Variants in KCNIP4 observed in about 807,000 individuals in gnomAD.
The protein encoded by KCNIP4 is potassium voltage-gated channel interacting protein 4.
In KCNIP4, 12 loss-of-function variants were observed where a neutral mutation model predicts 34.0. That is an observed-to-expected ratio of 0.35 (90% CI 0.23 to 0.57). The LOEUF (loss-of-function observed/expected upper bound fraction) is 0.57. KCNIP4 is among the 20% of genes least tolerant of loss of function. KCNIP4 has a pLI of 0.83. For synonymous variants in KCNIP4, 124 were observed against 102.2 expected (o/e 1.21, Z -1.29); for missense variants, 238 against 311.7 (o/e 0.76, Z 1.78).
chr4:21,208,298 C>A (rs531309628), intron 1 of KCNIP4, among the ~76,000 whole-genome samples: 5 of 152,188 alleles, frequency 3.3e-5, no homozygotes, highest in Non-Finnish European at 7.3e-5. Flanking sequence ...ATTGGCCTTA[C>A]TCTTTCTCAT....
At chr4:21,908,510 T>C (rs1054710181) in intron 1 of KCNIP4, among the ~76,000 whole-genome samples, 1 of 152,164 alleles carries the variant, frequency 6.6e-6, no homozygotes, top group African/African-American at 2.4e-5. Flanking sequence ...TTCAATCATA[T>C]AAAATGTGGG....
intron 1 of KCNIP4, among the ~76,000 whole-genome samples, chr4:21,614,261 G>A (rs185538894): frequency 2.6e-5 from 4 of 151,856 alleles, no homozygotes; most frequent in Admixed American, 6.6e-5. Context: ...CAGACAACAC[G>A]CTCTTGACAT....
intron 1 of KCNIP4, among the ~76,000 whole-genome samples, chr4:21,566,212 G>C (rs1739871916): frequency 6.6e-6 from 1 of 152,128 alleles, no homozygotes; most frequent in South Asian, 2.1e-4. Flanking sequence ...AGAATGAGTT[G>C]GTCTGGGATG....
At chr4:21,406,312 C>T (rs949462368) in intron 1 of KCNIP4, among the ~76,000 whole-genome samples, 1 of 152,122 alleles carries the variant, frequency 6.6e-6, no homozygotes, top group African/African-American at 2.4e-5. Flanking sequence ...GGCATTAAAA[C>T]CCTCTCCTAT....
At chr4:21,589,422 G>T (rs372969708) in intron 1 of KCNIP4, among the ~76,000 whole-genome samples, 2 of 148,480 alleles carry the variant, frequency 1.3e-5, no homozygotes, top group East Asian at 4.0e-4. Flanking sequence ...TCTAGAGAAG[G>T]TAATAGCTAA....
chr4:21,393,106 A>G (rs1722698147), intron 1 of KCNIP4, among the ~76,000 whole-genome samples: 1 of 152,108 alleles, frequency 6.6e-6, no homozygotes, highest in South Asian at 2.1e-4. Flanking sequence ...TCCTGGAAAA[A>G]TTTAATCAGT....
intron 1 of KCNIP4, among the ~76,000 whole-genome samples, chr4:20,882,926 T>C (rs1249810546): frequency 6.6e-6 from 1 of 151,456 alleles, no homozygotes; most frequent in African/African-American, 2.4e-5. Flanking sequence ...TTGAAGATAA[T>C]GACGAACAAG....
chr4:21,291,880 AAAGAAAGAAAG>A (rs1763519492), intron 1 of KCNIP4, among the ~76,000 whole-genome samples: 4 of 26,122 alleles, frequency 1.5e-4, no homozygotes, highest in African/African-American at 2.5e-4. Context: ...AGAAAGAAAG[AAAGAAAGAAAG>A]AAAGAAAGAA....
At chr4:21,543,026 C>A (rs940257792) in intron 1 of KCNIP4, among the ~76,000 whole-genome samples, 3 of 151,890 alleles carry the variant, frequency 2.0e-5, no homozygotes, top group African/African-American at 7.2e-5. Context: ...TGAAATATTA[C>A]AACTTACGTT....
chr4:21,428,606 C>T (rs949111425), intron 1 of KCNIP4, among the ~76,000 whole-genome samples: 4 of 152,056 alleles, frequency 2.6e-5, no homozygotes, highest in Non-Finnish European at 5.9e-5. Context: ...CAACGCGATG[C>T]CCATAGACGC....
At chr4:20,794,186 C>T (rs1713148108) in intron 3 of KCNIP4, among the ~76,000 whole-genome samples, 1 of 152,144 alleles carries the variant, frequency 6.6e-6, no homozygotes, top group African/African-American at 2.4e-5. Flanking sequence ...TCGGGTATAT[C>T]TTTATCAGCA....
chr4:20,855,045 T>C (rs984231878), intron 2 of KCNIP4, among the ~76,000 whole-genome samples: 4 of 152,200 alleles, frequency 2.6e-5, no homozygotes, highest in African/African-American at 9.6e-5. Context: ...GAGTCTTGTT[T>C]AACTTTGCGT....
intron 1 of KCNIP4, among the ~76,000 whole-genome samples, chr4:21,207,339 A>G (rs1756920097): frequency 6.6e-6 from 1 of 152,198 alleles, no homozygotes. Flanking sequence ...CAGAGTATCT[A>G]TGACAATAAA....
chr4:21,709,346 T>C (rs1210444716), intron 1 of KCNIP4, among the ~76,000 whole-genome samples: 2 of 152,180 alleles, frequency 1.3e-5, no homozygotes, highest in Non-Finnish European at 2.9e-5. Flanking sequence ...AAACTGAGTA[T>C]TTGGAAATGA....
intron 3 of KCNIP4, among the ~76,000 whole-genome samples, chr4:20,815,357 C>A (rs1716247353): frequency 6.6e-6 from 1 of 152,176 alleles, no homozygotes; most frequent in African/African-American, 2.4e-5. Flanking sequence ...TAGGCCTGAA[C>A]CCCTGCACCA....
rs1343915209 is a variant in KCNIP4, at chr4:21,589,179, T to C, written c.61+359392A>G. On this transcript the variant is annotated intron_variant, in intron 1 of 8. Transcript: ENST00000382152. ...GTGTATATATATATATATATATATA[T>C]ATATATATATATATATATATATGTG... Among the ~76,000 whole-genome samples the C allele has an allele frequency of 1.4e-4, 9 of 64,350 alleles. No individual in the cohort carries two copies. The South Asian group carries it at 2.4e-3, about 17-fold the overall frequency. 42.2% of individuals were successfully genotyped at this position (64,350 alleles called of 152,430 possible).
Position 21,348,040 on chromosome 4 carries a change from G to A in KCNIP4, c.62-465331C>T, listed in dbSNP as rs577395841. Among the ~76,000 whole-genome samples, 3 of 152,306 alleles carry A rather than the reference G, an allele frequency of 2.0e-5. No individual in the cohort carries two copies. The South Asian group carries it at 6.2e-4, about 32-fold the overall frequency. ...CTTTTGGATTGTGCTGAAGACATGG[G>A]AGAAAATGCTTTCATCCACACATAA... On this transcript the variant is annotated intron_variant, in intron 1 of 8. Coordinates refer to ENST00000382152, the MANE Select transcript of KCNIP4 (RefSeq NM_025221.6).
chr4:21,527,940 C>A (rs1303959522), intron 1 of KCNIP4, among the ~76,000 whole-genome samples: 1 of 152,088 alleles, frequency 6.6e-6, no homozygotes, highest in Non-Finnish European at 1.5e-5. Flanking sequence ...CTCCTAGGTA[C>A]AAGTCCCATT....
intron 1 of KCNIP4, among the ~76,000 whole-genome samples, chr4:21,932,973 G>A (rs534588222): frequency 1.4e-4 from 21 of 146,502 alleles, no homozygotes; most frequent in Admixed American, 4.9e-4. Flanking sequence ...CTAGACACCA[G>A]ATGACTAATT....
Sources: allele counts gnomAD v4.1 joint callset (sites outside exome capture counted in the v4.1 genomes callset), GRCh38; gene constraint gnomAD v4.1.1; transcripts MANE v1.5; gene names NCBI Gene and HGNC (gene_info 2026-07-23, HGNC 2026-07-21).